ACAD11: variants seen among roughly 807,000 people sequenced by gnomAD.
The protein encoded by ACAD11 is acyl-CoA dehydrogenase family member 11.
A neutral mutation model predicts 102.2 loss-of-function variants in ACAD11; 83 were observed. That is an observed-to-expected ratio of 0.81 (90% CI 0.68 to 0.97). The LOEUF (loss-of-function observed/expected upper bound fraction) is 0.97. ACAD11 is among the 50% of genes least tolerant of loss of function. ACAD11 has a pLI of 0.00. For synonymous variants in ACAD11, 324 were observed against 319.8 expected, an observed-to-expected ratio of 1.01 and a Z score of -0.14; for missense variants, 901 against 951.7, an observed-to-expected ratio of 0.95 and a Z score of 0.70.
chr3:132,633,937 C>T (rs1940159630), intron 5 of ACAD11, among the ~76,000 whole-genome samples: 1 of 151,896 alleles, frequency 6.6e-6, no homozygotes, highest in Non-Finnish European at 1.5e-5. Flanking sequence ...CATGTTAGAC[C>T]TAAAACCATA....
intron 17 of ACAD11, among the ~76,000 whole-genome samples, chr3:132,570,580 G>C (rs1002732988): frequency 1.3e-5 from 2 of 151,996 alleles, no homozygotes; most frequent in Non-Finnish European, 1.5e-5. Flanking sequence ...TGCCATGGGG[G>C]TTTATTATAC....
chr3:132,563,388 A>G (rs920603837), intron 17 of ACAD11, among the ~76,000 whole-genome samples: 2 of 152,196 alleles, frequency 1.3e-5, no homozygotes, highest in Non-Finnish European at 2.9e-5. Context: ...CTGCAGATCA[A>G]TTTGAGGATG....
intron 1 of ACAD11, among the ~76,000 whole-genome samples, chr3:132,651,264 C>T (rs1940922285): frequency 1.3e-5 from 2 of 152,252 alleles, no homozygotes; most frequent in East Asian, 1.9e-4. Context: ...CTTTTTCTTG[C>T]AGTCACCTAC....
chr3:132,586,967 GCCTGTAAT>G (rs1937866792), intron 13 of ACAD11, among the ~76,000 whole-genome samples: 1 of 152,102 alleles, frequency 6.6e-6, no homozygotes, highest in East Asian at 1.9e-4. Context: ...GGTGGTGGGC[GCCTGTAAT>G]CCCAGCTACT....
At chr3:132,658,952 T>C (rs1937974426) in intron 1 of ACAD11, among the ~76,000 whole-genome samples, 1 of 152,230 alleles carries the variant, frequency 6.6e-6, no homozygotes, top group Admixed American at 6.5e-5. Context: ...TCCAGTTTTC[T>C]GAATGATAGG....
rs1937569579 is a variant in ACAD11 at position 132,579,560 on chromosome 3, TA to T, written c.1622-3del. On this transcript the variant is annotated splice_region_variant and splice_polypyrimidine_tract_variant and intron_variant, in intron 13 of 19. Coordinates refer to ENST00000264990, the MANE Select transcript of ACAD11 (RefSeq NM_032169.5). ...TTTTGCACTTGGGATTCCCAGCTCC[TA>T]AAACCAAGGGGAACACAAGCAGATT... The T allele has an allele frequency of 6.2e-7, 1 of 1,612,516 alleles. No individual in the cohort carries two copies. The highest frequency in any genetic ancestry group is 1.3e-5 in the African/African-American group (1 of 74,880).
intron 13 of ACAD11, among the ~76,000 whole-genome samples, chr3:132,585,150 A>G (rs868278240): frequency 6.6e-6 from 1 of 152,190 alleles, no homozygotes; most frequent in Middle Eastern, 3.2e-3. Flanking sequence ...ACAGAGATAT[A>G]GACCAATGGA....
intron 13 of ACAD11, 34 bp downstream of exon 13, chr3:132,603,195 T>G: frequency 1.4e-6 from 2 of 1,474,222 alleles, no homozygotes; most frequent in Non-Finnish European, 1.9e-6. Flanking sequence ...AAAGGATCAG[T>G]GTGTTAGGTG....
chr3:132,589,770 A>G (rs892571212), intron 13 of ACAD11, among the ~76,000 whole-genome samples: 1 of 152,126 alleles, frequency 6.6e-6, no homozygotes, highest in Non-Finnish European at 1.5e-5. Context: ...ACATAGGTGA[A>G]CTTGTGTCAT....
At chr3:132,630,700 T>C in intron 6 of ACAD11, 142 bp from the exon 7 acceptor site, 2 of 687,246 alleles carry the variant, frequency 2.9e-6, no homozygotes, top group Admixed American at 3.5e-5. Flanking sequence ...AATCTTGATT[T>C]CCAAAAGATT....
chr3:132,596,134 C>T (rs144413864), intron 13 of ACAD11, among the ~76,000 whole-genome samples: 7 of 152,208 alleles, frequency 4.6e-5, no homozygotes, highest in East Asian at 1.9e-4. Flanking sequence ...TTTGCAGGCA[C>T]GTGGATGGAG....
At chr3:132,607,188 A>C (rs1483070867) in intron 11 of ACAD11, among the ~76,000 whole-genome samples, 1 of 152,252 alleles carries the variant, frequency 6.6e-6, no homozygotes, top group Non-Finnish European at 1.5e-5. Flanking sequence ...AAAAAGGCTG[A>C]AAATTCCAAA....
chr3:132,656,605 T>C (rs113192625), intron 1 of ACAD11, among the ~76,000 whole-genome samples: 1,901 of 152,066 alleles, frequency 0.013, 40 homozygotes, highest in African/African-American at 0.043. Flanking sequence ...GCAATTCTCC[T>C]GCCTCAGCCT....
intron 11 of ACAD11, among the ~76,000 whole-genome samples, chr3:132,616,830 T>C (rs977984113): frequency 1.3e-5 from 2 of 152,202 alleles, no homozygotes; most frequent in Non-Finnish European, 2.9e-5. Flanking sequence ...TAGCTTATTA[T>C]TGGATTACAA....
rs751849129 is a variant in ACAD11 at position 132,558,995 on chromosome 3, G to A, written c.2319C>T (p.Ala773=). The A allele has an allele frequency of 6.2e-7, 1 of 1,613,466 alleles. No homozygotes were observed. The highest frequency in any genetic ancestry group is 1.1e-5 in the South Asian group (1 of 90,974). ...CTTATATCTTGGCTGTCAGTCTTTTGGCTTGGTCCCGCAGCTCCATTGTTG... is the reference window on the plus strand; with the variant it reads ...CTTATATCTTGGCTGTCAGTCTTTTAGCTTGGTCCCGCAGCTCCATTGTTG... ...AIATMELRDQ[A]KRLTAKI Residue 773 remains alanine (A), a synonymous_variant, in exon 20 of 20, where the codon GCC becomes GCT. Coordinates refer to ENST00000264990, the MANE Select transcript of ACAD11 (RefSeq NM_032169.5).
intron 13 of ACAD11, among the ~76,000 whole-genome samples, chr3:132,587,429 A>G (rs1289444628): frequency 6.6e-6 from 1 of 151,986 alleles, no homozygotes; most frequent in Non-Finnish European, 1.5e-5. Flanking sequence ...TTCTTTTCAG[A>G]TATTTTACCT....
intron 1 of ACAD11, among the ~76,000 whole-genome samples, chr3:132,656,862 T>C (rs1217347853): frequency 6.6e-6 from 1 of 150,462 alleles, no homozygotes; most frequent in South Asian, 2.1e-4. Context: ...TTTTTTTTTT[T>C]AATTTGCATT....
At chr3:132,634,595 A>C (rs1157052938) in intron 5 of ACAD11, among the ~76,000 whole-genome samples, 1 of 152,186 alleles carries the variant, frequency 6.6e-6, no homozygotes, top group Non-Finnish European at 1.5e-5. Flanking sequence ...TGCTATAAAG[A>C]CACATGCACA....
chr3:132,602,178 C>T (rs1185071426), intron 13 of ACAD11: 9 of 165,912 alleles, frequency 5.4e-5, no homozygotes, highest in Non-Finnish European at 1.3e-4. Context: ...AATCCACCTC[C>T]TCCAAAAAAG....
Sources: gnomAD v4.1 joint callset for allele counts (sites outside exome capture counted in the v4.1 genomes callset) on GRCh38, gnomAD v4.1.1 for gene constraint, MANE v1.5 for transcripts, NCBI Gene and HGNC (gene_info 2026-07-23, HGNC 2026-07-21) for gene names.